The following SRGAP3 variants were observed in gnomAD, a reference collection of about 807,000 sequenced individuals.
SRGAP3 encodes the protein SLIT-ROBO Rho GTPase-activating protein 3.
Under a neutral mutation model 121.1 loss-of-function variants are expected in SRGAP3, and 39 were observed. That is an observed-to-expected ratio of 0.32 (90% confidence interval 0.25 to 0.42). The LOEUF (loss-of-function observed/expected upper bound fraction) is 0.42, where lower values mean the gene tolerates loss of function less well. Ranked by LOEUF, SRGAP3 falls within the 10% of genes least tolerant of loss-of-function variation. The pLI, the probability that SRGAP3 is intolerant of heterozygous loss-of-function variation, is 1.00. For missense variants in SRGAP3, 1,213 were observed against 1,470.6 expected, an observed-to-expected ratio of 0.82 and a Z score of 2.86; for synonymous variants, 601 against 570.0, an observed-to-expected ratio of 1.05 and a Z score of -0.77.
intron 12 of SRGAP3, chr3:9,028,145 T>C: frequency 6.2e-7 from 1 of 1,614,010 alleles, no homozygotes; most frequent in Non-Finnish European, 8.5e-7. Flanking sequence ...TAACAAAAAA[T>C]AAACAGGCAG....
chr3:9,039,851 G>A (rs900400326), intron 10 of SRGAP3, among the ~76,000 whole-genome samples: 1 of 152,160 alleles, frequency 6.6e-6, no homozygotes, highest in African/African-American at 2.4e-5. Flanking sequence ...TCCATCATAT[G>A]CACAGACCAC....
chr3:9,184,466 A>C (rs547980670), intron 1 of SRGAP3, among the ~76,000 whole-genome samples: 22 of 152,324 alleles, frequency 1.4e-4, no homozygotes, highest in Middle Eastern at 3.4e-3. Flanking sequence ...GTTTTAAAAC[A>C]GGGATAAGTA....
At chr3:8,993,388 A>G (rs1942192790) in intron 19 of SRGAP3, among the ~76,000 whole-genome samples, 1 of 152,196 alleles carries the variant, frequency 6.6e-6, no homozygotes, top group Non-Finnish European at 1.5e-5. Context: ...TGGAGTCCGC[A>G]GGCTGAGCAC....
At chr3:9,125,697 C>T (rs1044849378) in intron 1 of SRGAP3, among the ~76,000 whole-genome samples, 1 of 152,256 alleles carries the variant, frequency 6.6e-6, no homozygotes, top group African/African-American at 2.4e-5. Context: ...CACATCCATT[C>T]TTGTCTTCAA....
intron 1 of SRGAP3, among the ~76,000 whole-genome samples, chr3:9,230,791 G>C (rs1483243446): frequency 1.3e-5 from 2 of 151,172 alleles, no homozygotes; most frequent in Admixed American, 6.6e-5. Context: ...GATTGCTTAA[G>C]CAGTTCAAGG....
chr3:9,022,068 C>T (rs980612995), intron 14 of SRGAP3, among the ~76,000 whole-genome samples: 16 of 152,246 alleles, frequency 1.1e-4, no homozygotes, highest in African/African-American at 3.4e-4. Flanking sequence ...GTGGCTCACG[C>T]CTATAATCCC....
chr3:9,181,185 TA>T (rs1442434499), intron 1 of SRGAP3, among the ~76,000 whole-genome samples: 1 of 152,232 alleles, frequency 6.6e-6, no homozygotes, highest in African/African-American at 2.4e-5. Flanking sequence ...GTGTGAAATG[TA>T]CCGGGAAGTG....
chr3:9,325,234 T>C (rs893264050), intron 3 of SRGAP3, among the ~76,000 whole-genome samples: 8 of 151,828 alleles, frequency 5.3e-5, no homozygotes, highest in African/African-American at 1.7e-4. Context: ...GTTATGACTA[T>C]CGGGAGGATA....
At chr3:9,093,505 C>G (rs1947839840) in intron 3 of SRGAP3, among the ~76,000 whole-genome samples, 1 of 152,026 alleles carries the variant, frequency 6.6e-6, no homozygotes, top group Admixed American at 6.6e-5. Context: ...ATCCACTCAT[C>G]CATCCGTTCA....
At chr3:9,169,329 G>C (rs760693192) in intron 1 of SRGAP3, among the ~76,000 whole-genome samples, 14 of 152,218 alleles carry the variant, frequency 9.2e-5, no homozygotes, top group Non-Finnish European at 1.6e-4. Flanking sequence ...GGGAGAGGCA[G>C]ATTGTAAAAA....
chr3:9,009,193 C>G (rs773478111), intron 18 of SRGAP3, among the ~76,000 whole-genome samples: 1 of 152,208 alleles, frequency 6.6e-6, no homozygotes, highest in Non-Finnish European at 1.5e-5. Flanking sequence ...GAAAACCCAT[C>G]TGTCAGTCTT....
chr3:9,190,619 T>C (rs6768457), intron 1 of SRGAP3, among the ~76,000 whole-genome samples: 34,975 of 152,178 alleles, frequency 0.23, 4,530 homozygotes, highest in African/African-American at 0.35. Flanking sequence ...ACTCAACAAC[T>C]GTTTTAGGGC....
chr3:9,232,528 C>CACACACAG lies in SRGAP3; in HGVS notation c.67+16349_67+16356dup, dbSNP rs1310041865. Among the ~76,000 whole-genome samples the CACACACAG allele has an allele frequency of 2.0e-5, 3 of 152,186 alleles. No individual in the cohort carries two copies. In the East Asian group the frequency reaches 5.8e-4, roughly 29 times the overall value. On this transcript the variant is annotated intron_variant, in intron 1 of 21. Transcript: ENST00000383836. ...TTTATTTTTAAAACTGTAATACATA[C>CACACACAG]ACACACAGACACACATACACACACA...
intron 6 of SRGAP3, 101 bp downstream of exon 6, chr3:9,060,130 G>T: frequency 6.4e-7 from 1 of 1,572,372 alleles, no homozygotes; most frequent in South Asian, 1.1e-5. Flanking sequence ...GGCTACCCGA[G>T]AATGTCAGGT....
chr3:9,119,774 G>A (rs751924248), intron 2 of SRGAP3, among the ~76,000 whole-genome samples: 28 of 152,222 alleles, frequency 1.8e-4, no homozygotes, highest in Non-Finnish European at 2.8e-4. Flanking sequence ...GAAGCAGGAG[G>A]CCCTGACACT....
At chr3:9,025,043 T>TA (rs1944118446) in intron 14 of SRGAP3, among the ~76,000 whole-genome samples, 1 of 152,186 alleles carries the variant, frequency 6.6e-6, no homozygotes, top group South Asian at 2.1e-4. Flanking sequence ...AATTAGAACT[T>TA]AGTGTTAGCC....
chr3:9,332,116 G>GTTA (rs145323365), intron 1 of SRGAP3, among the ~76,000 whole-genome samples: 47,336 of 150,880 alleles, frequency 0.31, 8,399 homozygotes, highest in East Asian at 0.53. Context: ...TTTCATTGAG[G>GTTA]TTATTATTAT....
chr3:9,167,091 TGA>T (rs921755923), intron 1 of SRGAP3, among the ~76,000 whole-genome samples: 25 of 152,132 alleles, frequency 1.6e-4, no homozygotes, highest in African/African-American at 6.0e-4. Flanking sequence ...CCAGCAGCCT[TGA>T]GAGACATGAT....
chr3:9,329,815 C>T (rs1229888747), intron 2 of SRGAP3, among the ~76,000 whole-genome samples: 1 of 152,138 alleles, frequency 6.6e-6, no homozygotes, highest in African/African-American at 2.4e-5. Context: ...TCCCACGATC[C>T]TGTACATGCC....
Sources: allele counts gnomAD v4.1 joint callset (sites outside exome capture counted in the v4.1 genomes callset), GRCh38; gene constraint gnomAD v4.1.1; transcripts MANE v1.5; gene names NCBI Gene and HGNC (gene_info 2026-07-23, HGNC 2026-07-21).